Variants in ZBTB7B observed in about 807,000 individuals in gnomAD.
ZBTB7B encodes zinc finger and BTB domain containing 7B.
ZBTB7B carries 8 observed loss-of-function variants against 31.0 expected under a neutral mutation model. The ratio of observed to expected loss-of-function variants is 0.26; its 90% CI spans 0.15 to 0.47. The LOEUF (loss-of-function observed/expected upper bound fraction) is 0.47. Among genes scored for constraint, ZBTB7B ranks in the 20% least tolerant of loss-of-function variants. The pLI, the probability that ZBTB7B is intolerant of heterozygous loss-of-function variation, is 0.99. For missense variants in ZBTB7B, 494 were observed against 742.4 expected, an observed-to-expected ratio of 0.67 and a Z score of 3.89; for synonymous variants, 261 against 307.3, an observed-to-expected ratio of 0.85 and a Z score of 1.58.
chr1:155,014,734 A>G lies in ZBTB7B; in HGVS notation c.74A>G (p.Asn25Ser), dbSNP rs1485069644. 1 of 1,614,236 alleles carries G rather than the reference A, an allele frequency of 6.2e-7. No individual in the cohort carries two copies. Reference protein sequence around the residue: ...DHSSELLSCLNEQRQLGHLCD... With the variant: ...DHSSELLSCLSEQRQLGHLCD... ...AGCAGTGAGCTCCTGAGCTGCCTCA[A>G]TGAGCAGCGCCAGCTGGGCCACCTA... Residue 25 changes from asparagine to serine, a missense_variant, in exon 2 of 3, where the codon AAT becomes AGT. Physicochemically the swap from Asn to Ser is conservative, Grantham distance 46 (BLOSUM62 1). Around this residue, in one of 5 missense-constraint regions of ZBTB7B, gnomAD observed 26 missense variants for 80.4 expected, o/e 0.32. Coordinates refer to ENST00000535420, the MANE Select transcript of ZBTB7B (RefSeq NM_001256455.2).
chr1:155,014,097 A>T, intron 1 of ZBTB7B: 1 of 987,414 alleles, frequency 1.0e-6, no homozygotes, highest in Non-Finnish European at 1.2e-6. Flanking sequence ...GTCCAGTGTG[A>T]GTCTGAACTC....
intron 1 of ZBTB7B, among the ~76,000 whole-genome samples, chr1:155,009,104 A>C (rs1158113142): frequency 6.6e-6 from 1 of 152,176 alleles, no homozygotes; most frequent in Non-Finnish European, 1.5e-5. Flanking sequence ...CAGACTTCAC[A>C]AGAGAGTTTA....
At chr1:155,007,436 C>G (rs1174798923) in intron 1 of ZBTB7B, among the ~76,000 whole-genome samples, 1 of 152,214 alleles carries the variant, frequency 6.6e-6, no homozygotes, top group Non-Finnish European at 1.5e-5. Context: ...GGTGCCCAAG[C>G]AAATGCTTGG....
intron 1 of ZBTB7B, among the ~76,000 whole-genome samples, chr1:155,013,339 A>G (rs1029987101): frequency 6.6e-6 from 1 of 152,200 alleles, no homozygotes; most frequent in East Asian, 1.9e-4. Flanking sequence ...TCCAAGCCCC[A>G]GCACTGTCTC....
rs1659619155 is a variant in ZBTB7B, at chr1:155,018,340, G to A, written c.*1655G>A. 1.7e-6 allele frequency: 1 copy of A among 600,278 alleles called. No individual in the cohort carries two copies. Among genetic ancestry groups the A allele is most frequent in the Non-Finnish European group, 2.9e-6 (1 of 341,468 alleles). The allele number at this position is 600,278 out of a possible 1,614,324, so 37.2% of individuals were successfully genotyped here. On this transcript the variant is annotated 3_prime_UTR_variant, in exon 3 of 3. Coordinates refer to ENST00000535420, the MANE Select transcript of ZBTB7B (RefSeq NM_001256455.2). ...AGGTGATGGGGGGAGCCCAGGGCTG[G>A]GGAGACCTGGGGCCCAGCCCCAGAA...
At chr1:155,005,369 C>T (rs1319904474) in intron 1 of ZBTB7B, among the ~76,000 whole-genome samples, 2 of 152,200 alleles carry the variant, frequency 1.3e-5, no homozygotes, top group Non-Finnish European at 2.9e-5. Flanking sequence ...CCTATGGCTG[C>T]CTGGATGGCA....
Position 155,004,299 on chromosome 1 carries a change from A to G in ZBTB7B, c.-7+1356A>G, listed in dbSNP as rs1316760195. Reference sequence around the variant, plus strand: ...CCCCTAGCTGCAGCCGAGAATGGGAATGAGTCAGCGCAGCTATTCCCCCTT... The same window carrying G: ...CCCCTAGCTGCAGCCGAGAATGGGAGTGAGTCAGCGCAGCTATTCCCCCTT... On this transcript the variant is annotated intron_variant, in intron 1 of 2. Transcript: ENST00000535420. The surrounding 1 kb of genome is among the most constrained non-coding windows in gnomAD (Gnocchi z 4.0). Among the ~76,000 whole-genome samples the G allele has an allele frequency of 6.6e-6, 1 of 152,138 alleles. No homozygotes were observed. Among genetic ancestry groups the G allele is most frequent in the Non-Finnish European group, 1.5e-5 (1 of 68,018 alleles).
rs564808659 is a variant in ZBTB7B at position 155,011,538 on chromosome 1, G to A, written c.-6-3117G>A. Reference sequence around the variant, plus strand: ...CTTGGCCGGTCTAGCAGGCCTGACAGTGAGGGGAGCCTGGGGGGGTGGCGG... The same window carrying A: ...CTTGGCCGGTCTAGCAGGCCTGACAATGAGGGGAGCCTGGGGGGGTGGCGG... On this transcript the variant is annotated intron_variant, in intron 1 of 2. Coordinates refer to ENST00000535420, the MANE Select transcript of ZBTB7B (RefSeq NM_001256455.2). Among the ~76,000 whole-genome samples, 19 of 152,352 alleles carry A rather than the reference G, an allele frequency of 1.2e-4. No homozygotes were observed. The East Asian group carries it at 2.7e-3, about 22-fold the overall frequency.
chr1:155,016,146 A>G lies in ZBTB7B; in HGVS notation c.1155-74A>G, dbSNP rs1659389562. 6.0e-6 allele frequency: 9 copies of G among 1,496,606 alleles called. No homozygotes were observed. In the Admixed American group the frequency reaches 1.6e-4, roughly 27 times the overall value. The allele number at this position is 1,496,606 out of a possible 1,614,324, so 92.7% of individuals were successfully genotyped here. Reference sequence around the variant, plus strand: ...TGAGGAACAGGGATGGGACAAGGCCAGGGTGGGATGACCAGGAGGAGCCAG... The same window carrying G: ...TGAGGAACAGGGATGGGACAAGGCCGGGGTGGGATGACCAGGAGGAGCCAG... On this transcript the variant is annotated intron_variant, in intron 2 of 2. Coordinates refer to ENST00000535420, the MANE Select transcript of ZBTB7B (RefSeq NM_001256455.2). This position sits in a 1 kb window ranked among gnomAD's most constrained non-coding sequence, Gnocchi z 4.3.
chr1:155,008,380 G>A (rs902674557), intron 1 of ZBTB7B, among the ~76,000 whole-genome samples: 8 of 152,182 alleles, frequency 5.3e-5, no homozygotes, highest in Admixed American at 2.0e-4. Flanking sequence ...GGGAGAATTC[G>A]GCCAGCTCCC....
At chr1:155,008,474 A>C (rs1260385175) in intron 1 of ZBTB7B, among the ~76,000 whole-genome samples, 1 of 151,778 alleles carries the variant, frequency 6.6e-6, no homozygotes. Flanking sequence ...GGACCCAGGC[A>C]CCTGTCACCC....
chr1:155,013,046 C>G (rs1281736651), intron 1 of ZBTB7B, among the ~76,000 whole-genome samples: 1 of 152,124 alleles, frequency 6.6e-6, no homozygotes, highest in African/African-American at 2.4e-5. Flanking sequence ...GCAGACCTGT[C>G]CCCAAGTAGT....
At chr1:155,010,532 C>T (rs1399184877) in intron 1 of ZBTB7B, 1 of 201,236 alleles carries the variant, frequency 5.0e-6, no homozygotes, top group Non-Finnish European at 1.0e-5. Context: ...GGCAGAGAAC[C>T]TCTTCTTTGA....
chr1:155,009,156 A>G (rs1208554126), intron 1 of ZBTB7B, among the ~76,000 whole-genome samples: 1 of 152,130 alleles, frequency 6.6e-6, no homozygotes, highest in Non-Finnish European at 1.5e-5. Flanking sequence ...GGGAGGCCTC[A>G]GTGTTTAAGG....
intron 1 of ZBTB7B, among the ~76,000 whole-genome samples, chr1:155,005,217 G>A (rs1000213667): frequency 3.3e-5 from 5 of 152,068 alleles, no homozygotes; most frequent in Non-Finnish European, 7.4e-5. Flanking sequence ...CAGCAGGCAT[G>A]GGGGGCGGAG....
chr1:155,013,921 G>T (rs1457699127), intron 1 of ZBTB7B: 1 of 500,758 alleles, frequency 2.0e-6, no homozygotes. Flanking sequence ...GGATCTAGAA[G>T]GGGAGATGAA....
Position 155,016,896 on chromosome 1 carries a change from GATACATA to G in ZBTB7B, c.*212_*218del. On this transcript the variant is annotated 3_prime_UTR_variant, in exon 3 of 3. Coordinates refer to ENST00000535420, the MANE Select transcript of ZBTB7B (RefSeq NM_001256455.2). The surrounding 1 kb of genome is among the most constrained non-coding windows in gnomAD (Gnocchi z 4.3). ...AAATTGGGGTGATCCCCCAAGGAGT[GATACATA>G]TATTGTGTATATATTTACAGCTGTA... is the stretch of plus-strand genomic sequence containing the variant. 5.6e-6 allele frequency: 3 copies of G among 537,720 alleles called. No homozygotes were observed. The South Asian group carries it at 9.0e-5, about 16-fold the overall frequency. 33.3% of individuals were successfully genotyped at this position (537,720 alleles called of 1,614,324 possible).
Position 155,003,699 on chromosome 1 carries a change from C to T in ZBTB7B, c.-7+756C>T, listed in dbSNP as rs1026571136. Among the ~76,000 whole-genome samples, 2 of 152,366 alleles carry T rather than the reference C, an allele frequency of 1.3e-5. No homozygotes were observed. Among genetic ancestry groups the T allele is most frequent in the South Asian group, 2.1e-4 (1 of 4,830 alleles). ...ATTCTCCTACCTACTACCCGTCCCC[C>T]CACCGGCGCCGGCGCACCTGCCCCA... On this transcript the variant is annotated intron_variant, in intron 1 of 2. Coordinates refer to ENST00000535420, the MANE Select transcript of ZBTB7B (RefSeq NM_001256455.2). This position sits in a 1 kb window ranked among gnomAD's most constrained non-coding sequence, Gnocchi z 5.8.
chr1:155,016,840 A>G lies in ZBTB7B; in HGVS notation c.*155A>G, dbSNP rs79274764. On this transcript the variant is annotated 3_prime_UTR_variant, in exon 3 of 3. Coordinates refer to ENST00000535420, the MANE Select transcript of ZBTB7B (RefSeq NM_001256455.2). This position sits in a 1 kb window ranked among gnomAD's most constrained non-coding sequence, Gnocchi z 4.3. Reference sequence around the variant, plus strand: ...TCCCAGAGCCCTCATTCCAATTCCAAGCTAAGAAGGTATTGGGGCAGAGGC... The same window carrying G: ...TCCCAGAGCCCTCATTCCAATTCCAGGCTAAGAAGGTATTGGGGCAGAGGC... 875 of 588,504 alleles carry G rather than the reference A, an allele frequency of 1.5e-3. 11 individuals are homozygous for G. The East Asian group carries it at 0.022, about 15-fold the overall frequency. The allele number at this position is 588,504 out of a possible 1,614,324, so 36.5% of individuals were successfully genotyped here.
Sources: allele counts gnomAD v4.1 joint callset (sites outside exome capture counted in the v4.1 genomes callset), GRCh38; gene constraint gnomAD v4.1.1; regional missense constraint gnomAD v4.1.1; non-coding constraint Gnocchi (gnomAD v3.1); transcripts MANE v1.5; gene names NCBI Gene and HGNC (gene_info 2026-07-23, HGNC 2026-07-21).